The following ZDHHC11 variants were observed in gnomAD, a reference collection of about 807,000 sequenced individuals.
ZDHHC11 encodes zDHHC palmitoyltransferase 11, also known as palmitoyltransferase ZDHHC11.
In ZDHHC11, 44 loss-of-function variants were observed where a neutral mutation model predicts 51.3. The ratio of observed to expected loss-of-function variants is 0.86; its 90% confidence interval spans 0.67 to 1.10. The LOEUF (loss-of-function observed/expected upper bound fraction) is 1.10, where lower values mean the gene tolerates loss of function less well. ZDHHC11 is among the 50% of genes least tolerant of loss of function. The probability of loss-of-function intolerance (pLI) is 0.00; values close to 1 mark genes in which losing one functional copy is unlikely to be tolerated. For synonymous variants in ZDHHC11, 163 were observed against 222.0 expected, an observed-to-expected ratio of 0.73 and a Z score of 2.36; for missense variants, 400 against 537.7, an observed-to-expected ratio of 0.74 and a Z score of 2.53.
At chr5:849,032 A>G (rs1746728428) in intron 1 of ZDHHC11, among the ~76,000 whole-genome samples, 1 of 148,568 alleles carries the variant, frequency 6.7e-6, no homozygotes, top group African/African-American at 2.5e-5. Context: ...ACACGGCCCT[A>G]TACACCCGGC....
intron 11 of ZDHHC11, among the ~76,000 whole-genome samples, chr5:802,472 G>A (rs571156307): frequency 1.1e-4 from 16 of 150,182 alleles, no homozygotes; most frequent in African/African-American, 3.0e-4. Context: ...GGTTGGTGGG[G>A]AAGAATGTAG....
At chr5:814,335 T>C (rs1385531137) in intron 11 of ZDHHC11, among the ~76,000 whole-genome samples, 1 of 151,252 alleles carries the variant, frequency 6.6e-6, no homozygotes, top group Non-Finnish European at 1.5e-5. Context: ...CTTTGTAGTT[T>C]GGAGGGTGAA....
intron 12 of ZDHHC11, among the ~76,000 whole-genome samples, chr5:797,294 TCC>T (rs1212432988): frequency 6.6e-6 from 1 of 151,654 alleles, no homozygotes; most frequent in African/African-American, 2.4e-5. Flanking sequence ...GAATTTTATT[TCC>T]CCTTCTTGGA....
At chr5:860,088 G>A (rs562016313), upstream of ZDHHC11, among the ~76,000 whole-genome samples, 7 of 152,328 alleles carry the variant, frequency 4.6e-5, no homozygotes, top group Non-Finnish European at 8.8e-5. The surrounding 1 kb of genome is among the most constrained non-coding windows in gnomAD (Gnocchi z 4.2). Flanking sequence ...TGCTGCCCAT[G>A]GACATCTTGT....
chr5:853,135 G>A (rs1747539618), upstream of ZDHHC11, among the ~76,000 whole-genome samples: 1 of 149,634 alleles, frequency 6.7e-6, no homozygotes, highest in Non-Finnish European at 1.5e-5. Context: ...AGCGGGGACA[G>A]ACCCCACGGA....
Position 850,486 on chromosome 5 carries a change from G to A in ZDHHC11, c.117C>T (p.His39=), listed in dbSNP as rs762582754. 81 of 1,613,602 alleles carry A rather than the reference G, an allele frequency of 5.0e-5. No individual in the cohort carries two copies. Among genetic ancestry groups the A allele is most frequent in the Admixed American group, 1.7e-4 (10 of 60,018 alleles). Residue 39 remains histidine, a synonymous_variant, in exon 1 of 13, where the codon CAC becomes CAT. Coordinates refer to ENST00000283441, the MANE Select transcript of ZDHHC11 (RefSeq NM_024786.3). ...CAGCCCAGGTCACCACCTGGAAGTA[G>A]TGCAGGGGTAACGACCAGCCGTTCA... ...SRVNGWSLPL[H]YFQVVTWAVF... is the part of the protein sequence containing the mutation.
At chr5:856,637 C>T (rs1035582009) in intron 1 of ZDHHC11, among the ~76,000 whole-genome samples, 3 of 151,588 alleles carry the variant, frequency 2.0e-5, no homozygotes, top group South Asian at 2.1e-4. Flanking sequence ...AACACACACA[C>T]CAAACACACC....
intron 8 of ZDHHC11, 148 bp downstream of exon 8, chr5:825,016 C>T (rs1742127211): frequency 1.3e-5 from 10 of 789,988 alleles, no homozygotes; most frequent in Non-Finnish European, 1.7e-5. Flanking sequence ...CTGTGCTCCA[C>T]CCACCATCAT....
intron 10 of ZDHHC11, among the ~76,000 whole-genome samples, chr5:819,299 A>C (rs1741252014): frequency 6.6e-6 from 1 of 151,384 alleles, no homozygotes. Flanking sequence ...GAGGGCTCCC[A>C]CTTTGGTACC....
chr5:819,516 G>A lies in ZDHHC11; in HGVS notation c.1146+9C>T. ...GTCCTCGGGGACAGCGCCAGTGATTGCAACTTACCTGTGCCATCGAGCCCC... is the reference window on the plus strand; with the variant it reads ...GTCCTCGGGGACAGCGCCAGTGATTACAACTTACCTGTGCCATCGAGCCCC... On this transcript the variant is annotated intron_variant, in intron 10 of 12. Transcript: ENST00000283441. 1 of 1,608,380 alleles carries A rather than the reference G, an allele frequency of 6.2e-7. No homozygotes were observed. The highest frequency in any genetic ancestry group is 8.5e-7 in the Non-Finnish European group (1 of 1,175,482).
intron 8 of ZDHHC11, among the ~76,000 whole-genome samples, chr5:822,849 G>A (rs1408520890): frequency 2.6e-5 from 4 of 151,744 alleles, no homozygotes; most frequent in East Asian, 3.9e-4. Flanking sequence ...CTCTAATGGG[G>A]TGCAGCAGTA....
chr5:840,111 A>G (rs1358056670), intron 5 of ZDHHC11: 3 of 611,230 alleles, frequency 4.9e-6, no homozygotes, highest in Non-Finnish European at 8.8e-6. Flanking sequence ...TAGAATTTCT[A>G]CTTGTGTTTT....
intron 11 of ZDHHC11, among the ~76,000 whole-genome samples, chr5:810,648 A>G (rs1739972606): frequency 6.6e-6 from 1 of 151,476 alleles, no homozygotes; most frequent in Non-Finnish European, 1.5e-5. Flanking sequence ...GTGAGTCTAT[A>G]AGGTGGACCA....
At chr5:821,222 A>T (rs1188673709) in intron 9 of ZDHHC11, 1 of 151,414 alleles carries the variant, frequency 6.6e-6, no homozygotes, top group Non-Finnish European at 1.5e-5. Flanking sequence ...CCCTGCCCAC[A>T]CTCTCCATGA....
chr5:799,197 G>A (rs1310550533), intron 12 of ZDHHC11, among the ~76,000 whole-genome samples: 3 of 151,430 alleles, frequency 2.0e-5, no homozygotes, highest in African/African-American at 7.3e-5. Flanking sequence ...TCATGCTCAA[G>A]TACTTCTTGC....
At chr5:823,102 G>A (rs1741773440) in intron 8 of ZDHHC11, among the ~76,000 whole-genome samples, 1 of 150,746 alleles carries the variant, frequency 6.6e-6, no homozygotes, top group South Asian at 2.1e-4. Flanking sequence ...TCTTTTACTG[G>A]TGACAATGGA....
chr5:799,275 T>TC (rs1329656980), intron 12 of ZDHHC11, among the ~76,000 whole-genome samples: 1 of 151,366 alleles, frequency 6.6e-6, no homozygotes, highest in Non-Finnish European at 1.5e-5. Flanking sequence ...TCGCCTCCTC[T>TC]CTCTCCATGT....
chr5:828,556 C>T (rs905244398), intron 7 of ZDHHC11, among the ~76,000 whole-genome samples: 24 of 151,450 alleles, frequency 1.6e-4, no homozygotes, highest in Admixed American at 5.2e-4. Flanking sequence ...ATTATAGTGA[C>T]GGACACAATA....
intron 11 of ZDHHC11, among the ~76,000 whole-genome samples, chr5:810,685 T>G (rs2150309864): frequency 6.6e-6 from 1 of 151,652 alleles, no homozygotes; most frequent in African/African-American, 2.4e-5. Flanking sequence ...TAGGTGACCC[T>G]GGAAGCATAT....
Sources: gnomAD v4.1 joint callset for allele counts (sites outside exome capture counted in the v4.1 genomes callset) on GRCh38, gnomAD v4.1.1 for gene constraint, Gnocchi (gnomAD v3.1) non-coding constraint, MANE v1.5 for transcripts, NCBI Gene and HGNC (gene_info 2026-07-23, HGNC 2026-07-21) for gene names.